CRTC3: variants seen among roughly 807,000 people sequenced by gnomAD.
The protein encoded by CRTC3 is CREB-regulated transcription coactivator 3.
Under a neutral mutation model 74.5 loss-of-function variants are expected in CRTC3, and 26 were observed. The ratio of observed to expected loss-of-function variants is 0.35; its 90% confidence interval spans 0.26 to 0.48. The LOEUF (loss-of-function observed/expected upper bound fraction) is 0.48. Among genes scored for constraint, CRTC3 ranks in the 20% least tolerant of loss-of-function variants. The pLI is 0.99. For missense variants in CRTC3, 760 were observed against 787.3 expected, an observed-to-expected ratio of 0.97 and a Z score of 0.41; for synonymous variants, 377 against 325.8, an observed-to-expected ratio of 1.16 and a Z score of -1.69.
intron 10 of CRTC3, among the ~76,000 whole-genome samples, chr15:90,628,838 C>T (rs1382977621): frequency 6.6e-6 from 1 of 151,910 alleles, no homozygotes; most frequent in Non-Finnish European, 1.5e-5. Flanking sequence ...GCAGGGGATG[C>T]AGGCAGTGTG....
chr15:90,642,503 C>T lies in CRTC3; in HGVS notation c.*363C>T, dbSNP rs990986845. 2.7e-6 allele frequency: 1 copy of T among 369,588 alleles called. No homozygotes were observed. Among genetic ancestry groups the T allele is most frequent in the Non-Finnish European group, 5.0e-6 (1 of 198,432 alleles). 22.9% of individuals were successfully genotyped at this position (369,588 alleles called of 1,614,324 possible). On this transcript the variant is annotated 3_prime_UTR_variant, in exon 15 of 15. Coordinates refer to ENST00000268184, the MANE Select transcript of CRTC3 (RefSeq NM_022769.5). ...CCTCCGTAGCATTGTGTAGTGTGCT[C>T]AGAACCACTGATCTCCGTCCGCACC...
chr15:90,635,950 A>G (rs1012721859), intron 11 of CRTC3, among the ~76,000 whole-genome samples: 11 of 152,166 alleles, frequency 7.2e-5, no homozygotes, highest in African/African-American at 2.7e-4. Context: ...ATGGGTAGGA[A>G]GAATCAATAT....
intron 2 of CRTC3, among the ~76,000 whole-genome samples, chr15:90,592,131 A>G (rs918546610): frequency 6.6e-6 from 1 of 152,260 alleles, no homozygotes; most frequent in Non-Finnish European, 1.5e-5. Context: ...CATGTTTAAC[A>G]AAGAAAAATT....
At chr15:90,539,420 A>AT (rs1966768905) in intron 1 of CRTC3, among the ~76,000 whole-genome samples, 1 of 32,402 alleles carries the variant, frequency 3.1e-5, no homozygotes, top group African/African-American at 1.3e-4. Context: ...TCATATGTAT[A>AT]TTATAAACTC....
At chr15:90,540,956 A>C (rs1388416847) in intron 2 of CRTC3, among the ~76,000 whole-genome samples, 1 of 152,158 alleles carries the variant, frequency 6.6e-6, no homozygotes, top group Non-Finnish European at 1.5e-5. Context: ...GCATTTCACT[A>C]GTTTCATGTG....
Position 90,625,942 on chromosome 15 carries a change from G to A in CRTC3, c.916G>A (p.Val306Met). 1 of 1,614,212 alleles carries A rather than the reference G, an allele frequency of 6.2e-7. No homozygotes were observed. Among genetic ancestry groups the A allele is most frequent in the Non-Finnish European group, 8.5e-7 (1 of 1,180,038 alleles). Residue 306 changes from valine (V) to methionine (M), a missense_variant, in exon 10 of 15, where the codon GTG (valine) becomes ATG (methionine). Physicochemically the swap from Val to Met is conservative, Grantham distance 21 (BLOSUM62 1). Around this residue, in one of 2 missense-constraint regions of CRTC3, gnomAD observed 652 missense variants for 635.2 expected, o/e 1.03. Transcript: ENST00000268184. Reference sequence around the variant, plus strand: ...TGGCAGTATGAGTGTGGGGAATAGTGTGAACAACATCCCAGCTGCTATGAC... The same window carrying A: ...TGGCAGTATGAGTGTGGGGAATAGTATGAACAACATCCCAGCTGCTATGAC... The part of the protein sequence containing the change: ...HFGSMSVGNS[V>M]NNIPAAMTHL...
chr15:90,532,805 G>A (rs907664471), intron 1 of CRTC3, among the ~76,000 whole-genome samples: 3 of 152,172 alleles, frequency 2.0e-5, no homozygotes, highest in African/African-American at 7.2e-5. Context: ...AGGAAAGTGG[G>A]GTCGGGCGTG....
At chr15:90,622,982 C>T (rs1053628915) in intron 9 of CRTC3, among the ~76,000 whole-genome samples, 10 of 152,196 alleles carry the variant, frequency 6.6e-5, no homozygotes, top group Middle Eastern at 3.2e-3. Context: ...CTCCACAGTT[C>T]GCCCAGTCCT....
intron 2 of CRTC3, among the ~76,000 whole-genome samples, chr15:90,557,210 G>T (rs938858038): frequency 1.8e-4 from 28 of 151,996 alleles, no homozygotes; most frequent in African/African-American, 6.8e-4. Flanking sequence ...TAGAACAATC[G>T]CAAGTTTAGC....
intron 4 of CRTC3, among the ~76,000 whole-genome samples, chr15:90,602,678 AAC>A (rs869223002): frequency 8.6e-5 from 13 of 151,982 alleles, no homozygotes; most frequent in Admixed American, 7.2e-4. Flanking sequence ...CAACAACAAC[AAC>A]AAAACACCTT....
intron 1 of CRTC3, among the ~76,000 whole-genome samples, chr15:90,535,631 C>T (rs531510353): frequency 2.0e-5 from 3 of 150,464 alleles, no homozygotes; most frequent in East Asian, 3.9e-4. Flanking sequence ...TGAATATTTG[C>T]GCAGACTCAT....
chr15:90,586,554 C>T (rs777651643), intron 2 of CRTC3, among the ~76,000 whole-genome samples: 10 of 151,640 alleles, frequency 6.6e-5, no homozygotes, highest in South Asian at 2.1e-4. Flanking sequence ...TTAGTAGAGA[C>T]GGGGTTTCTG....
intron 2 of CRTC3, among the ~76,000 whole-genome samples, chr15:90,579,281 G>GT (rs1271216081): frequency 6.6e-6 from 1 of 152,148 alleles, no homozygotes; most frequent in Non-Finnish European, 1.5e-5. Context: ...TTTGGTGTCT[G>GT]TAGGGGGCCC....
Position 90,625,845 on chromosome 15 carries a change from A to T in CRTC3, c.819A>T (p.Ser273=), listed in dbSNP as rs1254624948. ...PFLGTLNTGG[S]LPDLTNLHYS... is the part of the protein sequence containing the mutation. ...TGGGGACCTTGAACACTGGAGGGTC[A>T]TTGCCAGATCTAACCAACCTCCACT... The change falls in exon 10 of 15, where the codon TCA becomes TCT. Residue 273 remains serine, a synonymous_variant. Transcript: ENST00000268184. 2 of 1,614,194 alleles carry T rather than the reference A, an allele frequency of 1.2e-6. No individual in the cohort carries two copies. The highest frequency in any genetic ancestry group is 8.5e-7 in the Non-Finnish European group (1 of 1,180,030).
chr15:90,603,514 C>T (rs1018713948), intron 4 of CRTC3, among the ~76,000 whole-genome samples: 6 of 152,040 alleles, frequency 3.9e-5, no homozygotes, highest in African/African-American at 1.4e-4. Flanking sequence ...GGACAAAAGA[C>T]TCTTAAAATG....
intron 2 of CRTC3, among the ~76,000 whole-genome samples, chr15:90,565,869 C>T (rs1967112346): frequency 6.6e-6 from 1 of 152,092 alleles, no homozygotes; most frequent in Non-Finnish European, 1.5e-5. Flanking sequence ...CTCCCTCTTC[C>T]CTGAGATAAC....
intron 2 of CRTC3, among the ~76,000 whole-genome samples, chr15:90,560,439 C>G (rs931620440): frequency 1.3e-5 from 2 of 152,224 alleles, no homozygotes; most frequent in African/African-American, 2.4e-5. Context: ...CTCCAAGTTA[C>G]CAGGCATCCG....
intron 11 of CRTC3, among the ~76,000 whole-genome samples, chr15:90,633,816 T>TTTTGC (rs1969132048): frequency 6.6e-6 from 1 of 152,134 alleles, no homozygotes; most frequent in Non-Finnish European, 1.5e-5. Flanking sequence ...TGTTTGTTTG[T>TTTTGC]TTTGCTTTGC....
At chr15:90,545,830 G>C (rs765766246) in intron 2 of CRTC3, among the ~76,000 whole-genome samples, 2 of 152,004 alleles carry the variant, frequency 1.3e-5, no homozygotes, top group Non-Finnish European at 2.9e-5. Flanking sequence ...CGCCCGCCTT[G>C]GCCTCCCAAA....
Sources: allele counts gnomAD v4.1 joint callset (sites outside exome capture counted in the v4.1 genomes callset), GRCh38; gene constraint gnomAD v4.1.1; regional missense constraint gnomAD v4.1.1; transcripts MANE v1.5; gene names NCBI Gene and HGNC (gene_info 2026-07-23, HGNC 2026-07-21).